The following PLEKHA7 variants were observed in gnomAD, a reference collection of about 807,000 sequenced individuals.
PLEKHA7 encodes pleckstrin homology domain-containing family A member 7.
In PLEKHA7, 104 loss-of-function variants were observed where a neutral mutation model predicts 170.0. The ratio of observed to expected loss-of-function variants is 0.61; its 90% CI spans 0.52 to 0.72. The LOEUF (loss-of-function observed/expected upper bound fraction) is 0.72. PLEKHA7 is among the 30% of genes least tolerant of loss of function. PLEKHA7 has a pLI of 0.00. For missense variants in PLEKHA7, 1,615 were observed against 1,671.7 expected (o/e 0.97, Z 0.59); for synonymous variants, 648 against 660.8 (o/e 0.98, Z 0.30).
chr11:16,852,204 G>T (rs1189278624), intron 7 of PLEKHA7, 79 bp downstream of exon 7: 3 of 1,282,844 alleles, frequency 2.3e-6, no homozygotes, highest in Non-Finnish European at 3.4e-6. Flanking sequence ...TGTTAGGACT[G>T]GTAAACCTGA....
intron 10 of PLEKHA7, among the ~76,000 whole-genome samples, chr11:16,823,434 T>C (rs183040306): frequency 9.2e-5 from 14 of 152,314 alleles, no homozygotes; most frequent in African/African-American, 3.1e-4. Flanking sequence ...GCTGTAAGCA[T>C]TCCACCCTGG....
At chr11:16,987,826 G>C (rs565557255) in intron 3 of PLEKHA7, among the ~76,000 whole-genome samples, 1 of 151,836 alleles carries the variant, frequency 6.6e-6, no homozygotes, top group South Asian at 2.1e-4. Context: ...CTTGAGGGCA[G>C]AGGATTCTTT....
chr11:16,838,657 G>A (rs1851707009), intron 9 of PLEKHA7, among the ~76,000 whole-genome samples: 2 of 150,670 alleles, frequency 1.3e-5, no homozygotes, highest in Admixed American at 1.3e-4. Context: ...AAAGATATGG[G>A]GAAATGACAC....
chr11:16,959,606 T>C (rs1369070028), intron 3 of PLEKHA7, among the ~76,000 whole-genome samples: 1 of 152,090 alleles, frequency 6.6e-6, no homozygotes, highest in Non-Finnish European at 1.5e-5. Flanking sequence ...TAACATCAGG[T>C]CTGAACACCC....
intron 3 of PLEKHA7, among the ~76,000 whole-genome samples, chr11:16,907,726 A>G (rs1857932298): frequency 7.3e-6 from 1 of 137,364 alleles, no homozygotes; most frequent in Non-Finnish European, 1.6e-5. Context: ...GGAAGTGAGG[A>G]GCCCCTCTGC....
At chr11:17,010,096 T>C (rs1203837173) in intron 3 of PLEKHA7, among the ~76,000 whole-genome samples, 2 of 152,092 alleles carry the variant, frequency 1.3e-5, no homozygotes, top group Non-Finnish European at 2.9e-5. Context: ...CTTCAAGAAA[T>C]GGACTCCGAG....
intron 3 of PLEKHA7, among the ~76,000 whole-genome samples, chr11:17,006,144 G>A (rs1466475269): frequency 6.6e-6 from 1 of 151,902 alleles, no homozygotes; most frequent in African/African-American, 2.4e-5. Context: ...GCCAAGGCGG[G>A]TGGACAGCCT....
chr11:17,012,008 A>G (rs1865347674), intron 3 of PLEKHA7, among the ~76,000 whole-genome samples: 1 of 152,110 alleles, frequency 6.6e-6, no homozygotes, highest in South Asian at 2.1e-4. Context: ...TTTCCTAAAC[A>G]CAGCCTGAAT....
At position 16,845,046 on chromosome 11, in the gene PLEKHA7, TGAG is replaced by T. The variant is rs1044177836; in HGVS notation, c.697-3327_697-3325del. ...TGTCATCAAGAAGGTCAGGATGCTG[TGAG>T]GAGAACAGGGGAGCCCAGCTTGATC... On this transcript the variant is annotated intron_variant, in intron 8 of 26. Coordinates refer to ENST00000531066, the MANE Select transcript of PLEKHA7 (RefSeq NM_001329630.2). Among the ~76,000 whole-genome samples, 39 of 152,276 alleles carry T rather than the reference TGAG, an allele frequency of 2.6e-4. 1 individual carries two copies. Among genetic ancestry groups the T allele is most frequent in the African/African-American group, 5.1e-4 (21 of 41,550 alleles).
chr11:16,992,199 T>C (rs141016581), intron 3 of PLEKHA7, among the ~76,000 whole-genome samples: 116 of 152,266 alleles, frequency 7.6e-4, no homozygotes, highest in Middle Eastern at 3.4e-3. Context: ...GAAAGGGGAT[T>C]CTCTCAGCAA....
intron 9 of PLEKHA7, among the ~76,000 whole-genome samples, chr11:16,835,453 G>A (rs575918542): frequency 6.6e-6 from 1 of 152,260 alleles, no homozygotes; most frequent in East Asian, 1.9e-4. Flanking sequence ...AGAGAAGAGA[G>A]TGCAGTTTGT....
intron 3 of PLEKHA7, among the ~76,000 whole-genome samples, chr11:16,980,830 T>C (rs903453611): frequency 2.0e-5 from 3 of 152,110 alleles, no homozygotes; most frequent in Non-Finnish European, 4.4e-5. Context: ...GAGGTTGCAG[T>C]GAGCCAAGAT....
rs374138951 is a variant in PLEKHA7, at chr11:16,803,173, G to A, written c.2076+54C>T. ...AAGCCCTGCCTGAAGCTGTTCACCC[G>A]GGGTCTGGGTCAGGAGGCAGCTGAG... On this transcript the variant is annotated intron_variant, in intron 14 of 26. Transcript: ENST00000531066. 235 of 1,575,524 alleles carry A rather than the reference G, an allele frequency of 1.5e-4. 1 individual carries two copies. In the African/African-American group the frequency reaches 2.5e-3, roughly 16 times the overall value.
chr11:16,825,912 G>A (rs1450348039), intron 10 of PLEKHA7, among the ~76,000 whole-genome samples: 5 of 152,214 alleles, frequency 3.3e-5, no homozygotes, highest in Admixed American at 3.3e-4. Flanking sequence ...TGTGCTGTGG[G>A]CAGGTTCCTT....
chr11:16,813,825 T>C (rs1849551470), intron 12 of PLEKHA7, among the ~76,000 whole-genome samples: 2 of 152,242 alleles, frequency 1.3e-5, no homozygotes. Context: ...TCTGACAATC[T>C]ATCAAGTTCT....
intron 3 of PLEKHA7, among the ~76,000 whole-genome samples, chr11:16,945,006 T>C (rs568475944): frequency 6.6e-6 from 1 of 152,186 alleles, no homozygotes; most frequent in South Asian, 2.1e-4. Flanking sequence ...GCACCATCTC[T>C]ACTCACTGCA....
At chr11:16,799,599 C>T (rs764967829) in intron 17 of PLEKHA7, among the ~76,000 whole-genome samples, 8 of 152,108 alleles carry the variant, frequency 5.3e-5, no homozygotes, top group Non-Finnish European at 8.8e-5. Flanking sequence ...AAATTCAGAT[C>T]ACTGAAGTCC....
chr11:16,971,801 A>C (rs551153698), intron 3 of PLEKHA7, among the ~76,000 whole-genome samples: 1 of 152,112 alleles, frequency 6.6e-6, no homozygotes, highest in African/African-American at 2.4e-5. Flanking sequence ...GATGTCATTA[A>C]GGACTCTTAT....
chr11:16,936,776 C>T (rs1860333139), intron 3 of PLEKHA7, among the ~76,000 whole-genome samples: 1 of 152,228 alleles, frequency 6.6e-6, no homozygotes, highest in Non-Finnish European at 1.5e-5. Context: ...GCTTTCTTTT[C>T]CCTAAACTCA....
Sources: allele counts gnomAD v4.1 joint callset (sites outside exome capture counted in the v4.1 genomes callset), GRCh38; gene constraint gnomAD v4.1.1; transcripts MANE v1.5; gene names NCBI Gene and HGNC (gene_info 2026-07-23, HGNC 2026-07-21).